Variants in PRUNE2 observed in about 807,000 individuals in gnomAD.
The protein encoded by PRUNE2 is protein prune homolog 2.
Under a neutral mutation model 252.0 loss-of-function variants are expected in PRUNE2, and 164 were observed. The observed-to-expected ratio is 0.65, with a 90% CI of 0.57 to 0.74. The LOEUF is 0.74. Ranked by LOEUF, PRUNE2 falls within the 30% of genes least tolerant of loss-of-function variation. The pLI is 0.00. For synonymous variants in PRUNE2, 1,292 were observed against 1,350.2 expected, an observed-to-expected ratio of 0.96 and a Z score of 0.94; for missense variants, 3,495 against 3,711.0, an observed-to-expected ratio of 0.94 and a Z score of 1.51.
intron 9 of PRUNE2, among the ~76,000 whole-genome samples, chr9:76,681,974 A>G (rs1021876747): frequency 6.6e-6 from 1 of 152,184 alleles, no homozygotes; most frequent in African/African-American, 2.4e-5. Flanking sequence ...CTGATATTTT[A>G]AAGATGTATT....
chr9:76,638,328 G>T, intron 12 of PRUNE2, 40 bp from the exon 13 acceptor site: 1 of 1,392,114 alleles, frequency 7.2e-7, no homozygotes. Context: ...CCAATTGAAA[G>T]CTCTTAACAA....
At chr9:76,665,953 TTATA>T (rs1245230946) in intron 9 of PRUNE2, among the ~76,000 whole-genome samples, 1 of 152,210 alleles carries the variant, frequency 6.6e-6, no homozygotes, top group Non-Finnish European at 1.5e-5. Flanking sequence ...ATAGACATGA[TTATA>T]TATGAATATC....
In PRUNE2 at chr9:76,774,450, C is replaced by CTTTTTTTATTTATTTATTTATTTATTTTT. The variant is rs1564272256; in HGVS notation, c.756+49181_756+49182insAAAAATAAATAAATAAATAAATAAAAAAA. ...ATCGTTCCTGGCCTCCAGTTCAACC[C>CTTTTTTTATTTATTTATTTATTTATTTTT]TTTTTTTTTTTTTTTTTTTTTTTTT... is the stretch of plus-strand genomic sequence containing the variant. On this transcript the variant is annotated intron_variant, in intron 6 of 18. Transcript: ENST00000376718. 6.5e-4 allele frequency among the ~76,000 whole-genome samples: 27 copies of CTTTTTTTATTTATTTATTTATTTATTTTT among 41,400 alleles called. 1 individual carries two copies. Among genetic ancestry groups the CTTTTTTTATTTATTTATTTATTTATTTTT allele is most frequent in the African/African-American group, 7.6e-4 (4 of 5,284 alleles). The allele number at this position is 41,400 out of a possible 152,430, so 27.2% of individuals were successfully genotyped here.
chr9:76,812,714 GA>G (rs1258154559), intron 6 of PRUNE2, among the ~76,000 whole-genome samples: 1 of 152,184 alleles, frequency 6.6e-6, no homozygotes, highest in African/African-American at 2.4e-5. Flanking sequence ...AAGAGAATGT[GA>G]CCGGAAGCAA....
chr9:76,691,957 C>T (rs1381947636), intron 9 of PRUNE2: 1 of 661,430 alleles, frequency 1.5e-6, no homozygotes, highest in African/African-American at 1.8e-5. Flanking sequence ...TCATCCCCCT[C>T]CCGTCTCCCC....
chr9:76,627,000 C>T (rs960437832), intron 16 of PRUNE2, among the ~76,000 whole-genome samples: 3 of 152,018 alleles, frequency 2.0e-5, no homozygotes, highest in East Asian at 1.9e-4. Flanking sequence ...GAAGTGTTAC[C>T]GTGTTTACTT....
intron 1 of PRUNE2, among the ~76,000 whole-genome samples, chr9:76,882,237 T>C (rs960587665): frequency 3.9e-5 from 6 of 152,060 alleles, no homozygotes; most frequent in African/African-American, 1.2e-4. Context: ...GGTAAGTCCA[T>C]GAAAAAATTA....
chr9:76,716,151 T>C (rs147319181), intron 6 of PRUNE2, among the ~76,000 whole-genome samples: 1 of 152,336 alleles, frequency 6.6e-6, no homozygotes, highest in Non-Finnish European at 1.5e-5. Context: ...TAAGAATCAG[T>C]AGAATCAACA....
intron 9 of PRUNE2, chr9:76,687,690 T>C (rs923394553): frequency 1.1e-5 from 4 of 371,120 alleles, no homozygotes; most frequent in African/African-American, 4.2e-5. Flanking sequence ...CCTAGAGCCA[T>C]ATGGAAAGTG....
chr9:76,747,201 G>T (rs1482907813), intron 6 of PRUNE2, among the ~76,000 whole-genome samples: 2 of 152,164 alleles, frequency 1.3e-5, no homozygotes, highest in Non-Finnish European at 1.5e-5. Flanking sequence ...CGCATCTGGT[G>T]TGTCAGAGGT....
At chr9:76,643,125 T>C (rs1238726376) in intron 12 of PRUNE2, among the ~76,000 whole-genome samples, 1 of 152,154 alleles carries the variant, frequency 6.6e-6, no homozygotes. Context: ...ATCAGTGCAC[T>C]GATGATAATC....
intron 6 of PRUNE2, among the ~76,000 whole-genome samples, chr9:76,819,064 C>T (rs1013106042): frequency 1.3e-5 from 2 of 152,002 alleles, no homozygotes; most frequent in African/African-American, 4.8e-5. Context: ...CAGCCTTGGG[C>T]AACATGGCAA....
intron 1 of PRUNE2, among the ~76,000 whole-genome samples, chr9:76,876,018 C>T (rs533545986): frequency 2.6e-5 from 4 of 152,140 alleles, no homozygotes; most frequent in South Asian, 2.1e-4. Flanking sequence ...GAATGCAATA[C>T]GCACAAACAT....
chr9:76,681,450 T>TAA (rs3048258), intron 9 of PRUNE2, among the ~76,000 whole-genome samples: 28,121 of 132,588 alleles, frequency 0.21, 3,042 homozygotes, highest in Admixed American at 0.29. Flanking sequence ...TTACCACGAT[T>TAA]AAAAAAAAAA....
chr9:76,784,003 C>G (rs1455711906), intron 6 of PRUNE2: 1 of 152,206 alleles, frequency 6.6e-6, no homozygotes, highest in Non-Finnish European at 1.5e-5. Flanking sequence ...TACCGATTTT[C>G]TATTTCTTGC....
intron 15 of PRUNE2, among the ~76,000 whole-genome samples, chr9:76,631,764 G>A (rs187932725): frequency 6.6e-6 from 1 of 152,274 alleles, no homozygotes; most frequent in African/African-American, 2.4e-5. Flanking sequence ...AGATTATTTT[G>A]TCACCTAGTT....
Position 76,796,852 on chromosome 9 carries a change from T to C in PRUNE2, c.756+26780A>G, listed in dbSNP as rs1589276262. ...AGGCTGAGGAAGAGGGAGCCTCTCC[T>C]GCAGAACTTCAGTCTTTTCTGGCCT... On this transcript the variant is annotated intron_variant, in intron 6 of 18. Coordinates refer to ENST00000376718, the MANE Select transcript of PRUNE2 (RefSeq NM_015225.3). Among the ~76,000 whole-genome samples, 3 of 152,344 alleles carry C rather than the reference T, an allele frequency of 2.0e-5. No homozygotes were observed. In the South Asian group the frequency reaches 6.2e-4, roughly 32 times the overall value.
intron 6 of PRUNE2, among the ~76,000 whole-genome samples, chr9:76,814,630 T>C (rs2057566200): frequency 3.3e-5 from 5 of 152,144 alleles, no homozygotes. Flanking sequence ...GGGTAGCTAA[T>C]TGGGCCCATT....
intron 1 of PRUNE2, among the ~76,000 whole-genome samples, chr9:76,873,713 G>A (rs1165267761): frequency 1.3e-5 from 2 of 152,216 alleles, no homozygotes; most frequent in Non-Finnish European, 2.9e-5. Context: ...GAAAGCTTTT[G>A]TGAATTTGTG....
Sources: gnomAD v4.1 joint callset for allele counts (sites outside exome capture counted in the v4.1 genomes callset) on GRCh38, gnomAD v4.1.1 for gene constraint, MANE v1.5 for transcripts, NCBI Gene and HGNC (gene_info 2026-07-23, HGNC 2026-07-21) for gene names.